The following BRIP1 variants were observed in gnomAD, a reference collection of about 807,000 sequenced individuals.
BRIP1 encodes the protein Fanconi anemia group J protein.
BRIP1 carries 88 observed loss-of-function variants against 119.7 expected under a neutral mutation model. The ratio of observed to expected loss-of-function variants is 0.74; its 90% CI spans 0.62 to 0.88. The LOEUF (loss-of-function observed/expected upper bound fraction) is 0.88. Among genes scored for constraint, BRIP1 ranks in the 40% least tolerant of loss-of-function variants. BRIP1 has a pLI of 0.00. For missense variants in BRIP1, 1,259 were observed against 1,455.4 expected (o/e 0.87, Z 2.20); for synonymous variants, 443 against 496.5 (o/e 0.89, Z 1.43).
In BRIP1 at chr17:61,798,516, T is replaced by A. The variant is rs977415567; in HGVS notation, c.1340+584A>T. On this transcript the variant is annotated intron_variant, in intron 9 of 19. Coordinates refer to ENST00000259008, the MANE Select transcript of BRIP1 (RefSeq NM_032043.3). This position sits in a 1 kb window ranked among gnomAD's most constrained non-coding sequence, Gnocchi z 5.5. ...TGACTGTGTAACATTCAAATTTTTT[T>A]AAAGTGTAAATGTGAAGGAAACAGA... Among the ~76,000 whole-genome samples the A allele has an allele frequency of 6.6e-6, 1 of 152,010 alleles. No homozygotes were observed. Among genetic ancestry groups the A allele is most frequent in the African/African-American group, 2.4e-5 (1 of 41,424 alleles).
At chr17:61,790,503 G>A (rs534881251) in intron 10 of BRIP1, among the ~76,000 whole-genome samples, 3 of 152,104 alleles carry the variant, frequency 2.0e-5, no homozygotes, top group African/African-American at 4.8e-5. Flanking sequence ...CTGAGATCAC[G>A]CCATTGCACT....
chr17:61,796,707 T>A lies in BRIP1; in HGVS notation c.1340+2393A>T, dbSNP rs989025460. Among the ~76,000 whole-genome samples, 8 of 152,116 alleles carry A rather than the reference T, an allele frequency of 5.3e-5. No individual in the cohort carries two copies. The East Asian group carries it at 1.5e-3, about 29-fold the overall frequency. Reference sequence around the variant, plus strand: ...AGACAGACTATCTATTTTACATGTTTAAAAAATGATTCTAGCTACCAAGCT... The same window carrying A: ...AGACAGACTATCTATTTTACATGTTAAAAAAATGATTCTAGCTACCAAGCT... On this transcript the variant is annotated intron_variant, in intron 9 of 19. Coordinates refer to ENST00000259008, the MANE Select transcript of BRIP1 (RefSeq NM_032043.3). The surrounding 1 kb of genome is among the most constrained non-coding windows in gnomAD (Gnocchi z 4.8).
rs1422239259 is a variant in BRIP1 at position 61,853,319 on chromosome 17, T to C, written c.379+3739A>G. 4.6e-5 allele frequency among the ~76,000 whole-genome samples: 7 copies of C among 151,260 alleles called. No individual in the cohort carries two copies. The highest frequency in any genetic ancestry group is 7.3e-5 in the African/African-American group (3 of 41,190). On this transcript the variant is annotated intron_variant, in intron 4 of 19. Coordinates refer to ENST00000259008, the MANE Select transcript of BRIP1 (RefSeq NM_032043.3). This position sits in a 1 kb window ranked among gnomAD's most constrained non-coding sequence, Gnocchi z 4.3. ...GTCACAGGAGGACAAGAATTACCTA[T>C]GGAAAGAAGGGACAGTGACTGAAAA...
chr17:61,789,512 T>A lies in BRIP1; in HGVS notation c.1473+4085A>T, dbSNP rs2077783927. 1.3e-5 allele frequency among the ~76,000 whole-genome samples: 2 copies of A among 152,064 alleles called. No homozygotes were observed. Among genetic ancestry groups the A allele is most frequent in the Admixed American group, 1.3e-4 (2 of 15,256 alleles). ...TTTATAAACAATAAATACCTTAAAA[T>A]TTTTAGGAGAAATATAACATAGGAT... On this transcript the variant is annotated intron_variant, in intron 10 of 19. Transcript: ENST00000259008. The surrounding 1 kb of genome is among the most constrained non-coding windows in gnomAD (Gnocchi z 4.8).
intron 17 of BRIP1, among the ~76,000 whole-genome samples, chr17:61,698,578 G>A (rs1381790151): frequency 2.6e-5 from 4 of 152,124 alleles, no homozygotes; most frequent in African/African-American, 7.2e-5. Flanking sequence ...ACCCATTATT[G>A]AGCAGGGTAT....
chr17:61,735,464 A>C lies in BRIP1; in HGVS notation c.2379+7549T>G, dbSNP rs2076904446. Reference sequence around the variant, plus strand: ...GGGGCTTGTGAAAAGGCCACATGGCAAGAAACTGTGAATAGCTTCTTGAAG... The same window carrying C: ...GGGGCTTGTGAAAAGGCCACATGGCCAGAAACTGTGAATAGCTTCTTGAAG... On this transcript the variant is annotated intron_variant, in intron 16 of 19. Transcript: ENST00000259008. The surrounding 1 kb of genome is among the most constrained non-coding windows in gnomAD (Gnocchi z 4.4). Among the ~76,000 whole-genome samples the C allele has an allele frequency of 2.6e-5, 4 of 152,254 alleles. 1 individual carries two copies. In the South Asian group the frequency reaches 8.3e-4, roughly 32 times the overall value.
In BRIP1 at chr17:61,832,774, T is replaced by C. The variant is rs181902054; in HGVS notation, c.627+14327A>G. ...TTTATAAAAGCGTTATTAAGACAAC[T>C]GCTAAAATTTAAACCGGTTCTGAGT... On this transcript the variant is annotated intron_variant, in intron 6 of 19. Transcript: ENST00000259008. The surrounding 1 kb of genome is among the most constrained non-coding windows in gnomAD (Gnocchi z 5.5). Among the ~76,000 whole-genome samples the C allele has an allele frequency of 6.6e-6, 1 of 152,326 alleles. No individual in the cohort carries two copies. The highest frequency in any genetic ancestry group is 1.9e-4 in the East Asian group (1 of 5,192).
chr17:61,790,262 G>C (rs2077794677), intron 10 of BRIP1, among the ~76,000 whole-genome samples: 1 of 152,044 alleles, frequency 6.6e-6, no homozygotes, highest in South Asian at 2.1e-4. Context: ...GATTCATCTA[G>C]AGCCAGGTGC....
In BRIP1 at chr17:61,691,828, C is replaced by A. The variant is rs1489459265; in HGVS notation, c.2575+1602G>T. Among the ~76,000 whole-genome samples the A allele has an allele frequency of 1.3e-5, 2 of 152,160 alleles. No individual in the cohort carries two copies. The highest frequency in any genetic ancestry group is 2.9e-5 in the Non-Finnish European group (2 of 68,014). The stretch of plus-strand genomic sequence containing the variant: ...ACCTTGAGAAAAATGATAAAAGCTG[C>A]AGGCATCATACCTCCCGATTATAAA... On this transcript the variant is annotated intron_variant, in intron 18 of 19. Coordinates refer to ENST00000259008, the MANE Select transcript of BRIP1 (RefSeq NM_032043.3). The surrounding 1 kb of genome is among the most constrained non-coding windows in gnomAD (Gnocchi z 5.0).
At position 61,847,057 on chromosome 17, in the gene BRIP1, C is replaced by A. The variant is rs750899366; in HGVS notation, c.627+44G>T. 18 of 1,611,018 alleles carry A rather than the reference C, an allele frequency of 1.1e-5. No individual in the cohort carries two copies. Among genetic ancestry groups the A allele is most frequent in the Admixed American group, 1.7e-5 (1 of 59,980 alleles). On this transcript the variant is annotated intron_variant, in intron 6 of 19. Coordinates refer to ENST00000259008, the MANE Select transcript of BRIP1 (RefSeq NM_032043.3). ...TGTCAAAAATTGGTTTAGAAAATTC[C>A]ATATCTTCCTTCTTTAAAACTGAAC...
chr17:61,779,551 C>T (rs1366239904), intron 13 of BRIP1, among the ~76,000 whole-genome samples: 2 of 152,230 alleles, frequency 1.3e-5, no homozygotes, highest in Non-Finnish European at 2.9e-5. Flanking sequence ...ACCCAGGAGG[C>T]GAAGGCTGCA....
chr17:61,773,129 A>AC, intron 14 of BRIP1, among the ~76,000 whole-genome samples: 1 of 152,230 alleles, frequency 6.6e-6, no homozygotes, highest in Middle Eastern at 3.4e-3. Context: ...ATTACTATCC[A>AC]CACTATATAT....
rs1311332620 is a variant in BRIP1 at position 61,789,507 on chromosome 17, T to G, written c.1473+4090A>C. ...CATCCTTTATAAACAATAAATACCTTAAAATTTTTAGGAGAAATATAACAT... is the reference window on the plus strand; with the variant it reads ...CATCCTTTATAAACAATAAATACCTGAAAATTTTTAGGAGAAATATAACAT... On this transcript the variant is annotated intron_variant, in intron 10 of 19. Transcript: ENST00000259008. This position sits in a 1 kb window ranked among gnomAD's most constrained non-coding sequence, Gnocchi z 4.8. Among the ~76,000 whole-genome samples the G allele has an allele frequency of 3.9e-5, 6 of 152,106 alleles. No homozygotes were observed. The highest frequency in any genetic ancestry group is 2.6e-4 in the Admixed American group (4 of 15,258).
At chr17:61,733,572 A>G (rs972174445) in intron 16 of BRIP1, among the ~76,000 whole-genome samples, 1 of 152,174 alleles carries the variant, frequency 6.6e-6, no homozygotes, top group Non-Finnish European at 1.5e-5. Context: ...AGTAACTAAT[A>G]TAACTAAAAT....
Position 61,852,910 on chromosome 17 carries a change from A to G in BRIP1, c.380-3654T>C, listed in dbSNP as rs2078842945. Among the ~76,000 whole-genome samples the G allele has an allele frequency of 6.6e-6, 1 of 152,192 alleles. No homozygotes were observed. Among genetic ancestry groups the G allele is most frequent in the African/African-American group, 2.4e-5 (1 of 41,460 alleles). On this transcript the variant is annotated intron_variant, in intron 4 of 19. Transcript: ENST00000259008. This position sits in a 1 kb window ranked among gnomAD's most constrained non-coding sequence, Gnocchi z 4.9. The stretch of plus-strand genomic sequence containing the variant: ...GTTGGAGGGATCTGACCGGGGACGC[A>G]TAAATTGATTCAACCACTTTAGAAA...
chr17:61,786,268 T>A (rs2077705693), intron 10 of BRIP1, among the ~76,000 whole-genome samples: 1 of 151,864 alleles, frequency 6.6e-6, no homozygotes, highest in South Asian at 2.1e-4. Flanking sequence ...AGCTAAATCA[T>A]CATTATACTT....
At position 61,844,286 on chromosome 17, in the gene BRIP1, C is replaced by T. The variant is rs752826497; in HGVS notation, c.627+2815G>A. The stretch of plus-strand genomic sequence containing the variant: ...ATGTGTCCAAAGTCCATTCTCTTAA[C>T]CAATAAAAACAAAACAAGCCAGGTG... On this transcript the variant is annotated intron_variant, in intron 6 of 19. Transcript: ENST00000259008. This position sits in a 1 kb window ranked among gnomAD's most constrained non-coding sequence, Gnocchi z 4.7. Among the ~76,000 whole-genome samples, 13 of 151,998 alleles carry T rather than the reference C, an allele frequency of 8.6e-5. No homozygotes were observed. The highest frequency in any genetic ancestry group is 1.9e-4 in the Non-Finnish European group (13 of 67,974).
In BRIP1 at chr17:61,736,741, T is replaced by C. The variant is rs1242111281; in HGVS notation, c.2379+6272A>G. On this transcript the variant is annotated intron_variant, in intron 16 of 19. Coordinates refer to ENST00000259008, the MANE Select transcript of BRIP1 (RefSeq NM_032043.3). This position sits in a 1 kb window ranked among gnomAD's most constrained non-coding sequence, Gnocchi z 4.4. ...GTGTTTTTAGGTAATATCTTAGTTG[T>C]AGAGACACAAAGATGCTGAAGAAAT... 6.6e-6 allele frequency among the ~76,000 whole-genome samples: 1 copy of C among 152,144 alleles called. No individual in the cohort carries two copies. The highest frequency in any genetic ancestry group is 1.5e-5 in the Non-Finnish European group (1 of 68,004).
intron 9 of BRIP1, among the ~76,000 whole-genome samples, chr17:61,797,843 T>G (rs1189029322): frequency 2.0e-5 from 3 of 151,994 alleles, no homozygotes; most frequent in Non-Finnish European, 4.4e-5. Context: ...TCATGCATAT[T>G]AAGGAAAATG....
Sources: gnomAD v4.1 joint callset for allele counts (sites outside exome capture counted in the v4.1 genomes callset) on GRCh38, gnomAD v4.1.1 for gene constraint, Gnocchi (gnomAD v3.1) non-coding constraint, MANE v1.5 for transcripts, NCBI Gene and HGNC (gene_info 2026-07-23, HGNC 2026-07-21) for gene names.